The following TASP1 variants were observed in gnomAD, a reference collection of about 807,000 sequenced individuals.
TASP1 encodes the protein threonine aspartase 1.
TASP1 carries 16 observed loss-of-function variants against 56.6 expected under a neutral mutation model. That is an observed-to-expected ratio of 0.28 (90% CI 0.19 to 0.43). The LOEUF is 0.43. Ranked by LOEUF, TASP1 falls within the 20% of genes least tolerant of loss-of-function variation. The pLI is 1.00. For synonymous variants in TASP1, 179 were observed against 184.2 expected (o/e 0.97, Z 0.23); for missense variants, 393 against 511.6 (o/e 0.77, Z 2.24).
chr20:13,477,017 C>T (rs182936537), intron 11 of TASP1, among the ~76,000 whole-genome samples: 2 of 152,184 alleles, frequency 1.3e-5, no homozygotes, highest in Admixed American at 1.3e-4. Context: ...GAAAAGAGAA[C>T]ATTATATTTT....
the TASP1 span, among the ~76,000 whole-genome samples, chr20:13,346,023 A>AG: frequency 6.6e-6 from 1 of 151,852 alleles, no homozygotes; most frequent in African/African-American, 2.4e-5. Flanking sequence ...CCCATTTGAC[A>AG]GGGGCCATGC....
the TASP1 span, among the ~76,000 whole-genome samples, chr20:13,308,685 T>C: frequency 6.6e-6 from 1 of 152,184 alleles, no homozygotes; most frequent in African/African-American, 2.4e-5. Flanking sequence ...GTCTATACTG[T>C]CTGAAAAAGA....
chr20:13,585,896 A>T (rs970621170), intron 5 of TASP1, among the ~76,000 whole-genome samples: 2 of 152,196 alleles, frequency 1.3e-5, no homozygotes, highest in Admixed American at 1.3e-4. Context: ...GCACTTTGGG[A>T]GGCTGAAGCT....
chr20:13,270,537 G>A, the TASP1 span: 1 of 1,613,762 alleles, frequency 6.2e-7, no homozygotes, highest in Non-Finnish European at 8.5e-7. Flanking sequence ...CACCACATCA[G>A]AAACCAGCTT....
At chr20:13,142,217 G>T in the TASP1 span, among the ~76,000 whole-genome samples, 1 of 152,194 alleles carries the variant, frequency 6.6e-6, no homozygotes, top group South Asian at 2.1e-4. Context: ...TCTTTTAGAT[G>T]GCACTGGGGC....
the TASP1 span, among the ~76,000 whole-genome samples, chr20:13,241,417 T>A: frequency 6.6e-6 from 1 of 152,056 alleles, no homozygotes; most frequent in Non-Finnish European, 1.5e-5. Flanking sequence ...AAGGGAGAGA[T>A]TGATGATGCA....
chr20:13,367,304 G>C, the TASP1 span, among the ~76,000 whole-genome samples: 1 of 152,194 alleles, frequency 6.6e-6, no homozygotes, highest in Non-Finnish European at 1.5e-5. Context: ...GGATGATTTA[G>C]ATAAACAAAA....
chr20:13,208,798 G>C, the TASP1 span, among the ~76,000 whole-genome samples: 1 of 152,216 alleles, frequency 6.6e-6, no homozygotes, highest in African/African-American at 2.4e-5. Flanking sequence ...CTGGGCCACA[G>C]GCCTCCTCAC....
the TASP1 span, among the ~76,000 whole-genome samples, chr20:13,175,250 T>C: frequency 2.0e-5 from 3 of 152,260 alleles, no homozygotes; most frequent in South Asian, 2.1e-4. Flanking sequence ...AATCCTCTCA[T>C]TGCAAAGTGG....
At chr20:13,432,161 A>G (rs1218044674) in intron 12 of TASP1, among the ~76,000 whole-genome samples, 1 of 152,262 alleles carries the variant, frequency 6.6e-6, no homozygotes, top group East Asian at 1.9e-4. Flanking sequence ...ATCAAGAAAC[A>G]GTGTGCTAAA....
the TASP1 span, among the ~76,000 whole-genome samples, chr20:13,196,230 A>G: frequency 6.6e-6 from 1 of 152,164 alleles, no homozygotes; most frequent in Admixed American, 6.5e-5. Context: ...TATTAAACTA[A>G]CCATCAAACT....
At chr20:13,212,375 T>C in the TASP1 span, among the ~76,000 whole-genome samples, 1 of 152,326 alleles carries the variant, frequency 6.6e-6, no homozygotes, top group Admixed American at 6.5e-5. Context: ...ACTTTTATTA[T>C]GCTAAGCCAT....
the TASP1 span, among the ~76,000 whole-genome samples, chr20:13,224,086 A>G: frequency 2.0e-5 from 3 of 152,082 alleles, no homozygotes; most frequent in Non-Finnish European, 4.4e-5. Context: ...ATTTAGAAAG[A>G]GTTATGCTCC....
chr20:13,129,352 C>A, the TASP1 span, among the ~76,000 whole-genome samples: 2 of 152,202 alleles, frequency 1.3e-5, no homozygotes, highest in African/African-American at 4.8e-5. Flanking sequence ...AGAGTGGCAT[C>A]TTTTCCTCCA....
chr20:13,264,020 G>A, the TASP1 span, among the ~76,000 whole-genome samples: 1 of 152,124 alleles, frequency 6.6e-6, no homozygotes, highest in African/African-American at 2.4e-5. Flanking sequence ...AATGAGGCCT[G>A]TAGCCTGAGC....
chr20:13,552,452 T>C (rs2046010678), intron 8 of TASP1, among the ~76,000 whole-genome samples: 3 of 152,138 alleles, frequency 2.0e-5, no homozygotes, highest in Admixed American at 1.3e-4. Context: ...TAAATGAAGT[T>C]ATACGAGAAA....
the TASP1 span, among the ~76,000 whole-genome samples, chr20:13,140,859 T>C: frequency 1.3e-5 from 2 of 152,188 alleles, no homozygotes; most frequent in Non-Finnish European, 2.9e-5. Flanking sequence ...TTAAATCACT[T>C]TGTGCGAATT....
chr20:13,178,179 A>T, the TASP1 span, among the ~76,000 whole-genome samples: 3 of 152,212 alleles, frequency 2.0e-5, no homozygotes, highest in Admixed American at 1.3e-4. Flanking sequence ...ATCATCAGGG[A>T]AACGCAAATA....
At position 13,495,503 on chromosome 20, in the gene TASP1, TAC is replaced by T. The variant is rs141893588; in HGVS notation, c.875-12168_875-12167del. On this transcript the variant is annotated intron_variant, in intron 10 of 13. Coordinates refer to ENST00000337743, the MANE Select transcript of TASP1 (RefSeq NM_017714.3). Reference sequence around the variant, plus strand: ...AAAATAGTATTCATATTTTATTCTCTACATCTGGGTAGAATTTAAGGAATATC... The same window carrying T: ...AAAATAGTATTCATATTTTATTCTCTATCTGGGTAGAATTTAAGGAATATC... 7.8e-3 allele frequency among the ~76,000 whole-genome samples: 1,194 copies of T among 152,292 alleles called. 5 individuals are homozygous for T. The highest frequency in any genetic ancestry group is 0.011 in the Non-Finnish European group (718 of 68,010).
Sources: gnomAD v4.1 joint callset for allele counts (sites outside exome capture counted in the v4.1 genomes callset) on GRCh38, gnomAD v4.1.1 for gene constraint, MANE v1.5 for transcripts, NCBI Gene and HGNC (gene_info 2026-07-23, HGNC 2026-07-21) for gene names.